GABRB1: variants seen among roughly 807,000 people sequenced by gnomAD.
GABRB1 encodes the protein gamma-aminobutyric acid type A receptor subunit beta1.
Under a neutral mutation model 51.6 loss-of-function variants are expected in GABRB1, and 17 were observed. The ratio of observed to expected loss-of-function variants is 0.33; its 90% CI spans 0.23 to 0.49. The LOEUF is 0.49. GABRB1 is among the 20% of genes least tolerant of loss of function. The probability of loss-of-function intolerance (pLI) is 0.99; values close to 1 mark genes in which losing one functional copy is unlikely to be tolerated. For missense variants in GABRB1, 410 were observed against 600.6 expected (o/e 0.68, Z 3.32); for synonymous variants, 247 against 218.9 (o/e 1.13, Z -1.14).
At chr4:47,356,192 A>G (rs1353190824) in intron 5 of GABRB1, among the ~76,000 whole-genome samples, 1 of 152,178 alleles carries the variant, frequency 6.6e-6, no homozygotes, top group Non-Finnish European at 1.5e-5. Flanking sequence ...TCGTGTTTGT[A>G]TTTCTCATCG....
intron 4 of GABRB1, among the ~76,000 whole-genome samples, chr4:47,169,053 G>T (rs1353923669): frequency 1.3e-5 from 2 of 152,020 alleles, no homozygotes; most frequent in Non-Finnish European, 2.9e-5. Context: ...CCCCTCTAAA[G>T]ACTCTATTTT....
chr4:47,173,815 C>T (rs1718543289), intron 4 of GABRB1, among the ~76,000 whole-genome samples: 1 of 152,152 alleles, frequency 6.6e-6, no homozygotes, highest in Non-Finnish European at 1.5e-5. Flanking sequence ...CATCACACTG[C>T]TGCCCTGCTC....
chr4:47,262,841 C>T (rs1476258956), intron 4 of GABRB1, among the ~76,000 whole-genome samples: 1 of 151,946 alleles, frequency 6.6e-6, no homozygotes, highest in African/African-American at 2.4e-5. Context: ...GGCACATATG[C>T]ACCATGGAAT....
chr4:47,275,976 A>C (rs2109899858), intron 4 of GABRB1, among the ~76,000 whole-genome samples: 1 of 152,320 alleles, frequency 6.6e-6, no homozygotes, highest in Admixed American at 6.5e-5. Flanking sequence ...AAGCAAAGCA[A>C]ACTGATTACC....
chr4:47,274,728 C>A (rs1723016986), intron 4 of GABRB1, among the ~76,000 whole-genome samples: 1 of 152,104 alleles, frequency 6.6e-6, no homozygotes, highest in African/African-American at 2.4e-5. Flanking sequence ...AAGCTGCACT[C>A]CACTGGTTAC....
intron 3 of GABRB1, among the ~76,000 whole-genome samples, chr4:47,149,607 C>T (rs1462758403): frequency 6.6e-6 from 1 of 151,984 alleles, no homozygotes; most frequent in Non-Finnish European, 1.5e-5. Context: ...AGTTTGTTTT[C>T]CCATGCCATT....
chr4:47,340,242 G>C (rs566827736), intron 5 of GABRB1, among the ~76,000 whole-genome samples: 1 of 152,028 alleles, frequency 6.6e-6, no homozygotes, highest in Non-Finnish European at 1.5e-5. Flanking sequence ...CAAGGATCTC[G>C]GGGAAGCTCC....
intron 4 of GABRB1, among the ~76,000 whole-genome samples, chr4:47,295,453 T>A (rs1202493524): frequency 1.3e-5 from 2 of 151,936 alleles, no homozygotes; most frequent in Non-Finnish European, 2.9e-5. Flanking sequence ...GAGAACTACA[T>A]GAAGAATGCA....
chr4:47,040,576 C>A (rs1304274189), intron 3 of GABRB1, among the ~76,000 whole-genome samples: 1 of 151,996 alleles, frequency 6.6e-6, no homozygotes, highest in Non-Finnish European at 1.5e-5. Context: ...TCTTTCACTG[C>A]TGAAGTGGAC....
chr4:47,316,254 G>A (rs2109958574), intron 4 of GABRB1, among the ~76,000 whole-genome samples: 2 of 151,490 alleles, frequency 1.3e-5, no homozygotes, highest in South Asian at 4.2e-4. Context: ...CCCTTTTTTA[G>A]GTCTTTGGTA....
chr4:47,276,986 A>G (rs1723106545), intron 4 of GABRB1, among the ~76,000 whole-genome samples: 1 of 152,182 alleles, frequency 6.6e-6, no homozygotes, highest in Admixed American at 6.5e-5. Flanking sequence ...GGATCCCCAA[A>G]ATAAAACATA....
At chr4:47,384,579 G>A (rs1259213008) in intron 5 of GABRB1, among the ~76,000 whole-genome samples, 2 of 152,236 alleles carry the variant, frequency 1.3e-5, no homozygotes, top group Admixed American at 6.5e-5. Context: ...GAGGATATAA[G>A]GTGGTCTTAG....
chr4:47,019,216 C>A (rs1289127951), intron 1 of GABRB1, among the ~76,000 whole-genome samples: 5 of 152,074 alleles, frequency 3.3e-5, no homozygotes, highest in Non-Finnish European at 7.4e-5. Context: ...ATGCTCGGCC[C>A]TTTTCCTAGA....
intron 5 of GABRB1, among the ~76,000 whole-genome samples, chr4:47,352,082 A>C (rs1038721816): frequency 1.3e-5 from 2 of 151,974 alleles, no homozygotes; most frequent in African/African-American, 4.8e-5. Flanking sequence ...TTGTTTCCTG[A>C]CTTTTTAATG....
intron 4 of GABRB1, among the ~76,000 whole-genome samples, chr4:47,294,289 G>A (rs545428373): frequency 2.6e-5 from 4 of 152,312 alleles, no homozygotes; most frequent in East Asian, 1.9e-4. Flanking sequence ...TGCCCGAGCT[G>A]AAGCAGGGCG....
At position 47,193,366 on chromosome 4, in the gene GABRB1, G is replaced by A. The variant is rs923456938; in HGVS notation, c.461+31897G>A. Among the ~76,000 whole-genome samples the A allele has an allele frequency of 7.2e-5, 11 of 152,130 alleles. No individual in the cohort carries two copies. In the East Asian group the frequency reaches 7.7e-4, roughly 11 times the overall value. On this transcript the variant is annotated intron_variant, in intron 4 of 8. Transcript: ENST00000295454. ...GGAACTCCCGAACTCAGGTGAATCCGCCTGCCTGGGCCTCCTAAAGTGGAA... is the reference window on the plus strand; with the variant it reads ...GGAACTCCCGAACTCAGGTGAATCCACCTGCCTGGGCCTCCTAAAGTGGAA...
chr4:47,151,669 A>G (rs1285413381), intron 3 of GABRB1, among the ~76,000 whole-genome samples: 2 of 152,054 alleles, frequency 1.3e-5, no homozygotes, highest in Non-Finnish European at 2.9e-5. Context: ...TATTGAGAAA[A>G]ATGGAAACAC....
intron 3 of GABRB1, among the ~76,000 whole-genome samples, chr4:47,047,249 T>G (rs1288487398): frequency 1.3e-5 from 2 of 152,160 alleles, no homozygotes; most frequent in Non-Finnish European, 2.9e-5. Flanking sequence ...TACAGAGAGA[T>G]TCACATGACT....
At chr4:47,253,363 T>A (rs1297185700) in intron 4 of GABRB1, among the ~76,000 whole-genome samples, 1 of 152,188 alleles carries the variant, frequency 6.6e-6, no homozygotes, top group Non-Finnish European at 1.5e-5. Flanking sequence ...AAGGAAGACT[T>A]TGTCAGTTGA....
Sources: gnomAD v4.1 joint callset for allele counts (sites outside exome capture counted in the v4.1 genomes callset) on GRCh38, gnomAD v4.1.1 for gene constraint, MANE v1.5 for transcripts, NCBI Gene and HGNC (gene_info 2026-07-23, HGNC 2026-07-21) for gene names.